The following POLRMT variants were observed in gnomAD, a reference collection of about 807,000 sequenced individuals.
The protein encoded by POLRMT is DNA-directed RNA polymerase, mitochondrial.
In POLRMT, 114 loss-of-function variants were observed where a neutral mutation model predicts 132.2. That is an observed-to-expected ratio of 0.86 (90% CI 0.74 to 1.01). The LOEUF is 1.01. Ranked by LOEUF, POLRMT falls within the 50% of genes least tolerant of loss-of-function variation. The pLI, the probability that POLRMT is intolerant of heterozygous loss-of-function variation, is 0.00. For missense variants in POLRMT, 2,003 were observed against 1,729.1 expected, an observed-to-expected ratio of 1.16 and a Z score of -2.81; for synonymous variants, 1,020 against 773.4, an observed-to-expected ratio of 1.32 and a Z score of -5.29.
rs1291607540 is a variant in POLRMT at position 618,702 on chromosome 19, C to T, written c.3323+3G>A. The T allele has an allele frequency of 1.9e-6, 3 of 1,607,182 alleles. No individual in the cohort carries two copies. The highest frequency in any genetic ancestry group is 2.7e-5 in the African/African-American group (2 of 74,952). On this transcript the variant is annotated splice_donor_region_variant and intron_variant, in intron 16 of 20. Transcript: ENST00000588649. The stretch of plus-strand genomic sequence containing the variant: ...CAGGCCCCAGCCCGGGCCCCCCACT[C>T]ACCGGCTGATGTCTCCGTTGTGGGT...
In POLRMT at chr19:617,818, AGTCGT is replaced by A; in HGVS notation, c.3449_3453del (p.His1150LeufsTer8). 6.2e-7 allele frequency: 1 copy of A among 1,613,338 alleles called. No individual in the cohort carries two copies. The highest frequency in any genetic ancestry group is 8.5e-7 in the Non-Finnish European group (1 of 1,179,914). ...ACATCAGCTGCGTGAGTCCAGTAACAGTCGTGCACAGAGACGAAGGTCAGGCCCTT... is the reference window on the plus strand; with the variant it reads ...ACATCAGCTGCGTGAGTCCAGTAACAGCACAGAGACGAAGGTCAGGCCCTT... On this transcript the variant is annotated frameshift_variant, in exon 18 of 21. Coordinates refer to ENST00000588649, the MANE Select transcript of POLRMT (RefSeq NM_005035.4). LOFTEE classifies it high-confidence loss of function.
At position 621,112 on chromosome 19, in the gene POLRMT, G is replaced by C. The variant is rs768054966; in HGVS notation, c.2586C>G (p.Ala862=). Residue 862 remains alanine (A), a synonymous_variant, in exon 10 of 21, where the codon GCC becomes GCG. Coordinates refer to ENST00000588649, the MANE Select transcript of POLRMT (RefSeq NM_005035.4). Reference sequence around the variant, plus strand: ...TGTCATCCATCACCTCCTCCGCAAAGGCCAGGCGCTTCCGCAGCGGCTCCC... The same window carrying C: ...TGTCATCCATCACCTCCTCCGCAAACGCCAGGCGCTTCCGCAGCGGCTCCC... ...KKREPLRKRL[A]FAEEVMDDIL... The C allele has an allele frequency of 5.0e-6, 8 of 1,610,422 alleles. No homozygotes were observed. The highest frequency in any genetic ancestry group is 2.2e-5 in the South Asian group (2 of 91,000).
rs916178463 is a variant in POLRMT, at chr19:621,856, G to C, written c.1852-10C>G. ...GCTTCAGGATGCCGATCTGGGGTGC[G>C]ACAGGCAGACGGGTCAGGGCCCCGG... On this transcript the variant is annotated splice_polypyrimidine_tract_variant and intron_variant, in intron 9 of 20. Coordinates refer to ENST00000588649, the MANE Select transcript of POLRMT (RefSeq NM_005035.4). 3 of 1,600,790 alleles carry C rather than the reference G, an allele frequency of 1.9e-6. No individual in the cohort carries two copies. Among genetic ancestry groups the C allele is most frequent in the South Asian group, 1.1e-5 (1 of 91,052 alleles).
chr19:619,005 T>G lies in POLRMT; in HGVS notation c.3259A>C (p.Lys1087Gln), dbSNP rs1206451009. The G allele has an allele frequency of 6.3e-6, 10 of 1,582,888 alleles. No individual in the cohort carries two copies. The highest frequency in any genetic ancestry group is 3.6e-5 in the Admixed American group (2 of 55,942). ...PVIQPYRLDS[K>Q]VKQIGGGIQS... Reference sequence around the variant, plus strand: ...TGGGGTGGTACACTGACCTTGACCTTGGAGTCCAGGCGATAGGGCTGGATG... The same window carrying G: ...TGGGGTGGTACACTGACCTTGACCTGGGAGTCCAGGCGATAGGGCTGGATG... Residue 1087 changes from lysine to glutamine, a missense_variant, in exon 15 of 21, where the codon AAG (lysine) becomes CAG (glutamine). Transcript: ENST00000588649.
At position 632,925 on chromosome 19, in the gene POLRMT, G is replaced by T; in HGVS notation, c.102C>A (p.Gly34=). Residue 34 remains glycine (G), a synonymous_variant, in exon 2 of 21, where the codon GGC becomes GGA. Transcript: ENST00000588649. ...ACGAGCTCCTCCTGGGGCCGCAGAC[G>T]CCACCGGCGGTCCCTGCGGGAAAGA... ...GLPGKEGTAG[G]VCGPRRSSSA... The T allele has an allele frequency of 6.6e-7, 1 of 1,514,420 alleles. No individual in the cohort carries two copies. The highest frequency in any genetic ancestry group is 8.8e-7 in the Non-Finnish European group (1 of 1,135,888). 93.8% of individuals were successfully genotyped at this position (1,514,420 alleles called of 1,614,324 possible).
intron 13 of POLRMT, 88 bp downstream of exon 13, chr19:619,498 T>C: frequency 1.3e-6 from 2 of 1,539,794 alleles, no homozygotes; most frequent in Non-Finnish European, 1.8e-6. Flanking sequence ...CCAGGGCTCC[T>C]GCTGGGAGGC....
rs1600557264 is a variant in POLRMT, at chr19:619,079, G to A, written c.3185C>T (p.Ser1062Phe). The A allele has an allele frequency of 1.2e-6, 2 of 1,611,020 alleles. No homozygotes were observed. Among genetic ancestry groups the A allele is most frequent in the Non-Finnish European group, 1.7e-6 (2 of 1,179,118 alleles). Reference sequence around the variant, plus strand: ...CCACTCCACCACAGAGCCCATGTGGGAGATGAGGCGGGCACTCTCGGTCAG... The same window carrying A: ...CCACTCCACCACAGAGCCCATGTGGAAGATGAGGCGGGCACTCTCGGTCAG... ...HWLTESARLISHMGSVVEWVT... is the reference protein window; with the variant it reads ...HWLTESARLIFHMGSVVEWVT... Residue 1062 changes from serine (S) to phenylalanine (F), a missense_variant, in exon 15 of 21, where the codon TCC becomes TTC. Transcript: ENST00000588649.
intron 11 of POLRMT, 32 bp from the exon 12 acceptor site, chr19:620,112 G>C (rs929949218): frequency 6.5e-7 from 1 of 1,534,232 alleles, no homozygotes; most frequent in South Asian, 1.2e-5. Context: ...GGAGATGGAA[G>C]CTAGAGAGGC....
intron 2 of POLRMT, 89 bp from the exon 3 acceptor site, chr19:630,257 G>C (rs1055715939): frequency 5.2e-5 from 75 of 1,454,796 alleles, no homozygotes; most frequent in Non-Finnish European, 6.8e-5. Flanking sequence ...GCCAGGAGGT[G>C]CAGGTGGCTG....
At chr19:617,699 C>T (rs954810337) in intron 18 of POLRMT, 44 bp from the exon 19 acceptor site, 1 of 1,611,692 alleles carries the variant, frequency 6.2e-7, no homozygotes, top group African/African-American at 1.3e-5. Flanking sequence ...CAGGCAGGCT[C>T]TGGGCACCAC....
Position 633,440 on chromosome 19 carries a change from G to C in POLRMT, c.73C>G (p.Leu25Val), listed in dbSNP as rs1228320491. 2 of 1,554,824 alleles carry C rather than the reference G, an allele frequency of 1.3e-6. No individual in the cohort carries two copies. The highest frequency in any genetic ancestry group is 1.7e-6 in the Non-Finnish European group (2 of 1,149,916). Reference sequence around the variant, plus strand: ...TTTGTGTTACCTTCTTTGCCGGGGAGTCCCGGGCGGCCGCAAGGCCGTAGG... The same window carrying C: ...TTTGTGTTACCTTCTTTGCCGGGGACTCCCGGGCGGCCGCAAGGCCGTAGG... ...RALRPCGRPG[L>V]PGKEGTAGGV... Residue 25 changes from leucine to valine, a missense_variant, in exon 1 of 21, where the codon CTC becomes GTC. Coordinates refer to ENST00000588649, the MANE Select transcript of POLRMT (RefSeq NM_005035.4).
chr19:620,087 A>G lies in POLRMT; in HGVS notation c.2764-7T>C. The G allele has an allele frequency of 1.3e-6, 2 of 1,537,964 alleles. No homozygotes were observed. The highest frequency in any genetic ancestry group is 1.7e-6 in the Non-Finnish European group (2 of 1,146,562). On this transcript the variant is annotated splice_polypyrimidine_tract_variant and splice_region_variant and intron_variant, in intron 11 of 20. Transcript: ENST00000588649. Reference sequence around the variant, plus strand: ...GGCCGTTGCAAGAGCCGTCCTGAGGAAGGGGCGGCAAACGGGAGATGGAAG... The same window carrying G: ...GGCCGTTGCAAGAGCCGTCCTGAGGGAGGGGCGGCAAACGGGAGATGGAAG...
chr19:617,928 AG>A, intron 17 of POLRMT, 79 bp from the exon 18 acceptor site: 2 of 1,363,768 alleles, frequency 1.5e-6, no homozygotes, highest in Non-Finnish European at 2.1e-6. Context: ...CCCTGCGCTC[AG>A]CCCCCTCCAC....
In POLRMT at chr19:621,165, G is replaced by C. The variant is rs752993605; in HGVS notation, c.2533C>G (p.Leu845Val). Residue 845 changes from leucine to valine, a missense_variant, in exon 10 of 21, where the codon CTG becomes GTG. Leu to Val is a conservative substitution (Grantham distance 32). Coordinates refer to ENST00000588649, the MANE Select transcript of POLRMT (RefSeq NM_005035.4). ...TTCTTCAACCCCGTGAGATTGACCA[G>C]GTGGATCTTGAGCCAATCCAGGCCG... is the stretch of plus-strand genomic sequence containing the variant. The part of the protein sequence containing the change: ...PHGLDWLKIH[L>V]VNLTGLKKRE... 2 of 1,610,912 alleles carry C rather than the reference G, an allele frequency of 1.2e-6. No homozygotes were observed. The highest frequency in any genetic ancestry group is 1.7e-6 in the Non-Finnish European group (2 of 1,178,672).
chr19:618,905 C>G lies in POLRMT; in HGVS notation c.3267+92G>C. On this transcript the variant is annotated intron_variant, in intron 15 of 20. Transcript: ENST00000588649. ...GGTGGCACACTGGGGCGGTGGTACA[C>G]TGGGGTGGTGGTACGCTGGGGCACT... 4 of 1,357,058 alleles carry G rather than the reference C, an allele frequency of 2.9e-6. No homozygotes were observed. In the Admixed American group the frequency reaches 6.1e-5, roughly 21 times the overall value. 84.1% of individuals were successfully genotyped at this position (1,357,058 alleles called of 1,614,324 possible). A position where few individuals can be genotyped will look rare whatever the true frequency, so the allele number is the denominator to read the frequency against.
At chr19:619,373 A>C in intron 13 of POLRMT, 77 bp from the exon 14 acceptor site, 2 of 1,512,128 alleles carry the variant, frequency 1.3e-6, no homozygotes, top group Non-Finnish European at 1.8e-6. Flanking sequence ...TTTCAGAGCC[A>C]CTGAGGCCCA....
In POLRMT at chr19:622,996, T is replaced by G. The variant is rs576062268; in HGVS notation, c.1291-11A>C. On this transcript the variant is annotated splice_polypyrimidine_tract_variant and intron_variant, in intron 6 of 20. Coordinates refer to ENST00000588649, the MANE Select transcript of POLRMT (RefSeq NM_005035.4). ...CTTCAGGGTCTTCCGCTGCGGGGGA[T>G]GAACGGGCCCGGTGAGCCCCGTGGC... is the stretch of plus-strand genomic sequence containing the variant. The G allele has an allele frequency of 2.5e-6, 4 of 1,611,080 alleles. No individual in the cohort carries two copies. The highest frequency in any genetic ancestry group is 3.4e-6 in the Non-Finnish European group (4 of 1,178,988).
chr19:632,799 C>T, intron 2 of POLRMT, 35 bp downstream of exon 2: 1 of 1,502,390 alleles, frequency 6.7e-7, no homozygotes, highest in Non-Finnish European at 9.0e-7. Context: ...GGAGCGGACT[C>T]TCCTCTCCCG....
At chr19:631,157 TA>T (rs144110127) in intron 2 of POLRMT, among the ~76,000 whole-genome samples, 6 of 147,208 alleles carry the variant, frequency 4.1e-5, no homozygotes, top group Non-Finnish European at 1.5e-5. Flanking sequence ...ATAATCCATC[TA>T]AAAAAAAAAG....
Sources: allele counts gnomAD v4.1 joint callset (sites outside exome capture counted in the v4.1 genomes callset), GRCh38; gene constraint gnomAD v4.1.1; transcripts MANE v1.5; gene names NCBI Gene and HGNC (gene_info 2026-07-23, HGNC 2026-07-21).